Variants in TMTC1 observed in about 807,000 individuals in gnomAD.
The protein encoded by TMTC1 is transmembrane O-mannosyltransferase targeting cadherins 1, also known as protein O-mannosyl-transferase TMTC1.
A neutral mutation model predicts 104.8 loss-of-function variants in TMTC1; 73 were observed. The ratio of observed to expected loss-of-function variants is 0.70; its 90% CI spans 0.58 to 0.85. The LOEUF (loss-of-function observed/expected upper bound fraction) is 0.85. Among genes scored for constraint, TMTC1 ranks in the 40% least tolerant of loss-of-function variants. The pLI is 0.00. For synonymous variants in TMTC1, 434 were observed against 428.7 expected, an observed-to-expected ratio of 1.01 and a Z score of -0.15; for missense variants, 1,035 against 1,096.1, an observed-to-expected ratio of 0.94 and a Z score of 0.79.
intron 7 of TMTC1, among the ~76,000 whole-genome samples, chr12:29,593,007 A>G (rs190208772): frequency 6.6e-6 from 1 of 152,288 alleles, no homozygotes; most frequent in East Asian, 1.9e-4. Context: ...TCTAGTGCAG[A>G]CTTTATGTTT....
At chr12:29,712,920 T>C (rs1941969293) in intron 5 of TMTC1, among the ~76,000 whole-genome samples, 1 of 152,200 alleles carries the variant, frequency 6.6e-6, no homozygotes. Flanking sequence ...CCAATTTGTC[T>C]AGGCTACGGT....
rs182978080 is a variant in TMTC1, at chr12:29,578,931, T to A, written c.1418+4476A>T. Among the ~76,000 whole-genome samples, 8 of 152,320 alleles carry A rather than the reference T, an allele frequency of 5.3e-5. No homozygotes were observed. In the East Asian group the frequency reaches 1.5e-3, roughly 29 times the overall value. On this transcript the variant is annotated intron_variant, in intron 8 of 17. Transcript: ENST00000539277. ...GATAGTACTTATGGAATGCTTACTT[T>A]AAATCAAGTGCTGGGCTAAGCACCA...
At chr12:29,632,121 CTGTT>C (rs1401015241) in intron 6 of TMTC1, among the ~76,000 whole-genome samples, 5 of 152,256 alleles carry the variant, frequency 3.3e-5, no homozygotes, top group African/African-American at 7.2e-5. Flanking sequence ...TTTTGCTGCT[CTGTT>C]TCTTTCCCAA....
chr12:29,677,854 G>T (rs1443679196), intron 5 of TMTC1, among the ~76,000 whole-genome samples: 1 of 152,178 alleles, frequency 6.6e-6, no homozygotes, highest in East Asian at 1.9e-4. Context: ...CAGCGATGCT[G>T]CCATATGGCT....
chr12:29,557,139 A>T (rs1157519280), intron 9 of TMTC1, 139 bp from the exon 10 acceptor site: 1 of 958,258 alleles, frequency 1.0e-6, no homozygotes, highest in African/African-American at 1.7e-5. Flanking sequence ...TTTGTGTCCA[A>T]TCTTACTGGT....
At chr12:29,515,089 C>T (rs1360497838) in intron 15 of TMTC1, among the ~76,000 whole-genome samples, 4 of 152,162 alleles carry the variant, frequency 2.6e-5, no homozygotes, top group African/African-American at 9.7e-5. Flanking sequence ...AACTTTCTTA[C>T]ACTCCAGTTT....
chr12:29,656,363 T>A (rs990566777), intron 5 of TMTC1, among the ~76,000 whole-genome samples: 6 of 150,094 alleles, frequency 4.0e-5, no homozygotes, highest in African/African-American at 1.5e-4. Flanking sequence ...TATACTTTTT[T>A]TTTTTTTTTT....
chr12:29,694,422 T>C (rs559488037), intron 5 of TMTC1, among the ~76,000 whole-genome samples: 2 of 152,302 alleles, frequency 1.3e-5, no homozygotes, highest in East Asian at 3.9e-4. Context: ...ACACACATCC[T>C]CCCATACACT....
chr12:29,648,128 T>C lies in TMTC1; in HGVS notation c.939-14792A>G, dbSNP rs78139035. On this transcript the variant is annotated intron_variant, in intron 5 of 17. Coordinates refer to ENST00000539277, the MANE Select transcript of TMTC1 (RefSeq NM_001193451.2). ...AGCAAATCTGGAAGCAAATGACACT[T>C]TTCTGACAGGACAGGTTACACATAA... Among the ~76,000 whole-genome samples the C allele has an allele frequency of 2.0e-3, 303 of 152,306 alleles. 8 individuals carry two copies. In the East Asian group the frequency reaches 0.052, roughly 26 times the overall value.
At chr12:29,685,938 A>G (rs1451824123) in intron 5 of TMTC1, among the ~76,000 whole-genome samples, 1 of 151,806 alleles carries the variant, frequency 6.6e-6, no homozygotes, top group Non-Finnish European at 1.5e-5. Flanking sequence ...GTTAAAAAAA[A>G]AAAAAAAAAA....
At chr12:29,760,728 C>A in intron 2 of TMTC1, among the ~76,000 whole-genome samples, 1 of 151,466 alleles carries the variant, frequency 6.6e-6, no homozygotes, top group African/African-American at 2.4e-5. Flanking sequence ...ATATATTACG[C>A]TAACAAATTA....
intron 5 of TMTC1, among the ~76,000 whole-genome samples, chr12:29,634,818 A>G (rs1938470550): frequency 6.6e-6 from 1 of 152,256 alleles, no homozygotes; most frequent in South Asian, 2.1e-4. Flanking sequence ...CAAAGACATT[A>G]GATGAGATAA....
chr12:29,573,265 T>A (rs1592253631), intron 8 of TMTC1, among the ~76,000 whole-genome samples: 1 of 152,254 alleles, frequency 6.6e-6, no homozygotes, highest in Admixed American at 6.5e-5. Context: ...ACATAATCTG[T>A]ATGAATGAAA....
intron 5 of TMTC1, among the ~76,000 whole-genome samples, chr12:29,706,753 C>A (rs913483529): frequency 6.6e-6 from 1 of 152,106 alleles, no homozygotes; most frequent in East Asian, 1.9e-4. Context: ...TCTTTCAATG[C>A]CATTCAATGT....
chr12:29,778,850 T>C (rs1337317607), intron 1 of TMTC1, among the ~76,000 whole-genome samples: 3 of 152,188 alleles, frequency 2.0e-5, no homozygotes, highest in African/African-American at 4.8e-5. Context: ...AAATAGCCTA[T>C]GTAAGTGTGA....
intron 5 of TMTC1, among the ~76,000 whole-genome samples, chr12:29,742,321 A>T (rs1043203737): frequency 2.1e-4 from 32 of 152,296 alleles, no homozygotes; most frequent in African/African-American, 7.7e-4. Flanking sequence ...TTAAAAGTCT[A>T]TACTTATGTT....
chr12:29,681,604 A>G (rs576364180), intron 5 of TMTC1, among the ~76,000 whole-genome samples: 9 of 152,290 alleles, frequency 5.9e-5, no homozygotes, highest in African/African-American at 1.4e-4. Context: ...GCACACATCA[A>G]CTGACATCAT....
chr12:29,577,505 C>G (rs114234767), intron 8 of TMTC1, among the ~76,000 whole-genome samples: 44 of 152,264 alleles, frequency 2.9e-4, no homozygotes, highest in African/African-American at 9.9e-4. Context: ...ACTTGTCACT[C>G]CTATGGTACA....
At chr12:29,569,936 A>G (rs2063331745) in intron 9 of TMTC1, among the ~76,000 whole-genome samples, 1 of 152,206 alleles carries the variant, frequency 6.6e-6, no homozygotes, top group Admixed American at 6.5e-5. Flanking sequence ...AAACGGAAGT[A>G]CCCAACCAGC....
Sources: gnomAD v4.1 joint callset for allele counts (sites outside exome capture counted in the v4.1 genomes callset) on GRCh38, gnomAD v4.1.1 for gene constraint, MANE v1.5 for transcripts, NCBI Gene and HGNC (gene_info 2026-07-23, HGNC 2026-07-21) for gene names.